GALNTL6: variants seen among roughly 807,000 people sequenced by gnomAD.
The protein encoded by GALNTL6 is polypeptide N-acetylgalactosaminyltransferase-like 6.
A neutral mutation model predicts 73.7 loss-of-function variants in GALNTL6; 46 were observed. The observed-to-expected ratio is 0.62, with a 90% CI of 0.49 to 0.80. The LOEUF is 0.80. Among genes scored for constraint, GALNTL6 ranks in the 30% least tolerant of loss-of-function variants. The pLI is 0.00. For synonymous variants in GALNTL6, 259 were observed against 263.7 expected, an observed-to-expected ratio of 0.98 and a Z score of 0.17; for missense variants, 604 against 755.0, an observed-to-expected ratio of 0.80 and a Z score of 2.34.
intron 5 of GALNTL6, among the ~76,000 whole-genome samples, chr4:172,783,222 G>T (rs1418902587): frequency 6.6e-6 from 1 of 150,470 alleles, no homozygotes; most frequent in African/African-American, 2.4e-5. Flanking sequence ...AAACTAAAAA[G>T]GACCTAAATA....
chr4:171,991,724 G>GTGTGTA (rs1480276274), intron 2 of GALNTL6, among the ~76,000 whole-genome samples: 3 of 26,762 alleles, frequency 1.1e-4, no homozygotes, highest in African/African-American at 3.6e-4. Context: ...GTGTGTGTGT[G>GTGTGTA]TGTGTGTATA....
chr4:172,434,081 G>A (rs1421760977), intron 5 of GALNTL6, among the ~76,000 whole-genome samples: 3 of 151,928 alleles, frequency 2.0e-5, no homozygotes, highest in Non-Finnish European at 4.4e-5. Flanking sequence ...ATACATTATC[G>A]TTTGTAATAA....
chr4:172,830,367 A>G (rs1025473346), intron 7 of GALNTL6, among the ~76,000 whole-genome samples: 3 of 151,548 alleles, frequency 2.0e-5, no homozygotes, highest in African/African-American at 7.3e-5. Flanking sequence ...TGGGACTGCT[A>G]TTGCTTGTGA....
intron 2 of GALNTL6, among the ~76,000 whole-genome samples, chr4:171,983,234 T>C (rs1157724172): frequency 6.6e-6 from 1 of 152,156 alleles, no homozygotes; most frequent in Non-Finnish European, 1.5e-5. Flanking sequence ...TATTTTAGAG[T>C]GCTCTTATTT....
intron 2 of GALNTL6, among the ~76,000 whole-genome samples, chr4:171,937,515 C>G (rs1738388541): frequency 6.6e-6 from 1 of 151,898 alleles, no homozygotes; most frequent in African/African-American, 2.4e-5. Flanking sequence ...TATACGTACA[C>G]AGAAATTACT....
At position 171,847,185 on chromosome 4, in the gene GALNTL6, A is replaced by G. The variant is rs375968502; in HGVS notation, c.138+32467A>G. On this transcript the variant is annotated intron_variant, in intron 2 of 12. Transcript: ENST00000506823. The stretch of plus-strand genomic sequence containing the variant: ...GATATTGCAGATTTGGTTCCAGAAG[A>G]CTACAATAAAGTGAATATCACAATA... Among the ~76,000 whole-genome samples the G allele has an allele frequency of 2.6e-5, 4 of 152,130 alleles. No homozygotes were observed. In the East Asian group the frequency reaches 7.7e-4, roughly 29 times the overall value.
At chr4:172,175,031 G>A (rs767301847) in intron 2 of GALNTL6, among the ~76,000 whole-genome samples, 5 of 151,982 alleles carry the variant, frequency 3.3e-5, no homozygotes, top group Non-Finnish European at 5.9e-5. Context: ...CTAAGAGAGT[G>A]CAAACTGGCA....
chr4:172,478,650 A>G (rs1343934444), intron 5 of GALNTL6, among the ~76,000 whole-genome samples: 4 of 152,182 alleles, frequency 2.6e-5, no homozygotes, highest in African/African-American at 9.7e-5. Flanking sequence ...AAAAACAAAA[A>G]TGAATAAATG....
At chr4:172,868,186 G>T (rs1181139397) in intron 7 of GALNTL6, among the ~76,000 whole-genome samples, 1 of 152,108 alleles carries the variant, frequency 6.6e-6, no homozygotes, top group Admixed American at 6.5e-5. Flanking sequence ...TGCCTGAAGG[G>T]ATGCATAAAT....
intron 10 of GALNTL6, among the ~76,000 whole-genome samples, chr4:172,997,764 G>C (rs1462427877): frequency 6.6e-6 from 1 of 152,146 alleles, no homozygotes; most frequent in Non-Finnish European, 1.5e-5. Context: ...AAAATGTATT[G>C]TGTTTGGGAG....
rs1457249627 is a variant in GALNTL6, at chr4:171,814,706, C to T, written c.126C>T (p.Pro42=). Residue 42 remains proline, a synonymous_variant, in exon 2 of 13, where the codon CCC becomes CCT. Transcript: ENST00000506823. ...AGCACCTGGTGAAGTCAGCGGAGCC[C>T]GGGGAGCAGCAGGTAAGTGCCACCC... ...KDKHLVKSAE[P]GEQQTFPLGL... 9.3e-6 allele frequency: 15 copies of T among 1,613,728 alleles called. No homozygotes were observed. The East Asian group carries it at 3.3e-4, about 36-fold the overall frequency.
At chr4:172,683,752 G>A (rs1732764115) in intron 5 of GALNTL6, among the ~76,000 whole-genome samples, 1 of 152,120 alleles carries the variant, frequency 6.6e-6, no homozygotes, top group African/African-American at 2.4e-5. Context: ...GAATGAAGCA[G>A]TTAGTGAGAT....
chr4:171,944,777 C>G (rs934644718), intron 2 of GALNTL6, among the ~76,000 whole-genome samples: 3 of 151,428 alleles, frequency 2.0e-5, no homozygotes, highest in Non-Finnish European at 2.9e-5. Flanking sequence ...TTTTAACACT[C>G]AAAAGAAATT....
intron 2 of GALNTL6, among the ~76,000 whole-genome samples, chr4:171,932,120 G>T (rs997281119): frequency 6.6e-6 from 1 of 152,136 alleles, no homozygotes; most frequent in Non-Finnish European, 1.5e-5. Context: ...TATTTTTTGT[G>T]AGGGTGACTT....
At chr4:172,069,553 A>ATG (rs371464055) in intron 2 of GALNTL6, among the ~76,000 whole-genome samples, 269 of 17,620 alleles carry the variant, frequency 0.015, 85 homozygotes, top group East Asian at 0.06. Context: ...TAACACATAT[A>ATG]TGTTATATAT....
intron 2 of GALNTL6, among the ~76,000 whole-genome samples, chr4:172,126,461 G>C (rs994619295): frequency 6.6e-6 from 1 of 152,122 alleles, no homozygotes; most frequent in Non-Finnish European, 1.5e-5. Flanking sequence ...GAACACCGGC[G>C]TTCAATAGAG....
At chr4:173,005,897 G>A (rs1752257257) in intron 10 of GALNTL6, among the ~76,000 whole-genome samples, 1 of 152,170 alleles carries the variant, frequency 6.6e-6, no homozygotes, top group Admixed American at 6.5e-5. Context: ...TGCCACTTGA[G>A]TGAGAATTTA....
chr4:172,089,371 T>C (rs1732134133), intron 2 of GALNTL6, among the ~76,000 whole-genome samples: 1 of 152,190 alleles, frequency 6.6e-6, no homozygotes, highest in Non-Finnish European at 1.5e-5. Flanking sequence ...ATCTGACAGA[T>C]TTTCCTAGCA....
At chr4:172,107,923 T>C (rs1732731407) in intron 2 of GALNTL6, among the ~76,000 whole-genome samples, 1 of 152,204 alleles carries the variant, frequency 6.6e-6, no homozygotes, top group South Asian at 2.1e-4. Context: ...ATTTGCCTAC[T>C]AAATCTTTCT....
Sources: allele counts gnomAD v4.1 joint callset (sites outside exome capture counted in the v4.1 genomes callset), GRCh38; gene constraint gnomAD v4.1.1; transcripts MANE v1.5; gene names NCBI Gene and HGNC (gene_info 2026-07-23, HGNC 2026-07-21).